Variants in KCNK9 observed in about 807,000 individuals in gnomAD.
KCNK9 encodes potassium channel subfamily K member 9.
Under a neutral mutation model 10.8 loss-of-function variants are expected in KCNK9, and 1 was observed. That is an observed-to-expected ratio of 0.09 (90% confidence interval 0.03 to 0.44). KCNK9 has a LOEUF of 0.44. Among genes scored for constraint, KCNK9 ranks in the 20% least tolerant of loss-of-function variants. The pLI is 0.97. For synonymous variants in KCNK9, 231 were observed against 222.7 expected (o/e 1.04, Z -0.33); for missense variants, 303 against 515.0 (o/e 0.59, Z 3.98).
chr8:139,661,614 C>T (rs962623668), intron 1 of KCNK9, among the ~76,000 whole-genome samples: 2 of 152,198 alleles, frequency 1.3e-5, no homozygotes, highest in South Asian at 2.1e-4. Context: ...CATCATCCAG[C>T]CCCCAGCACC....
intron 1 of KCNK9, among the ~76,000 whole-genome samples, chr8:139,640,690 T>C (rs757448279): frequency 2.0e-5 from 3 of 152,222 alleles, no homozygotes; most frequent in Non-Finnish European, 4.4e-5. Flanking sequence ...TCCTGAAACC[T>C]TGGCAGCTCT....
chr8:139,626,077 T>C (rs1814962859), intron 1 of KCNK9, among the ~76,000 whole-genome samples: 2 of 152,138 alleles, frequency 1.3e-5, no homozygotes, highest in Admixed American at 6.5e-5. Context: ...CATATTTTAA[T>C]TAAAGACACT....
chr8:139,635,758 A>T (rs530221971), intron 1 of KCNK9, among the ~76,000 whole-genome samples: 2 of 151,166 alleles, frequency 1.3e-5, no homozygotes, highest in South Asian at 2.1e-4. Flanking sequence ...ATCACCCACA[A>T]CCCCCCCACT....
At chr8:139,686,595 G>A (rs1365392565) in intron 1 of KCNK9, among the ~76,000 whole-genome samples, 1 of 152,176 alleles carries the variant, frequency 6.6e-6, no homozygotes, top group Non-Finnish European at 1.5e-5. Flanking sequence ...TATTGTTGTT[G>A]TTATCATCCT....
chr8:139,681,008 C>T (rs1816676803), intron 1 of KCNK9, among the ~76,000 whole-genome samples: 1 of 152,300 alleles, frequency 6.6e-6, no homozygotes, highest in East Asian at 1.9e-4. Context: ...ATGTGGCTTT[C>T]GTGTCTGCTC....
intron 1 of KCNK9, among the ~76,000 whole-genome samples, chr8:139,644,252 C>G (rs1054221847): frequency 6.6e-6 from 1 of 152,186 alleles, no homozygotes; most frequent in Non-Finnish European, 1.5e-5. Flanking sequence ...TGACCCAGAG[C>G]AAGAAATGTC....
At chr8:139,681,206 C>T (rs1816681001) in intron 1 of KCNK9, among the ~76,000 whole-genome samples, 1 of 152,198 alleles carries the variant, frequency 6.6e-6, no homozygotes. Flanking sequence ...ACCCATTTTA[C>T]ATATGGAAAC....
At chr8:139,640,297 G>C (rs909582417) in intron 1 of KCNK9, among the ~76,000 whole-genome samples, 4 of 152,174 alleles carry the variant, frequency 2.6e-5, no homozygotes, top group African/African-American at 9.7e-5. Flanking sequence ...TCTGCCACCA[G>C]ACTTACCTGC....
At chr8:139,609,238 G>GACCCC (rs1814337521), downstream of KCNK9, among the ~76,000 whole-genome samples, 1 of 93,630 alleles carries the variant, frequency 1.1e-5, no homozygotes, top group African/African-American at 4.2e-5. Context: ...GGGGTGCTCT[G>GACCCC]CCCCCCCACC....
rs1272754695 is a variant in KCNK9 at position 139,618,957 on chromosome 8, G to A, written c.426C>T (p.Arg142=). The change falls in exon 2 of 2, where the codon CGC becomes CGT. Residue 142 remains arginine, a synonymous_variant. Coordinates refer to ENST00000520439, the MANE Select transcript of KCNK9 (RefSeq NM_001282534.2). The surrounding 1 kb of genome is among the most constrained non-coding windows in gnomAD (Gnocchi z 7.9). ...TGCGCATGCCACAGCACTTCTTAAT[G>A]CGCTTCAGCAGGTAGCGCACGAAGG... ...MNTFVRYLLK[R]IKKCCGMRNT... is the part of the protein sequence containing the mutation. The A allele has an allele frequency of 6.2e-7, 1 of 1,614,100 alleles. No individual in the cohort carries two copies. Among genetic ancestry groups the A allele is most frequent in the African/African-American group, 1.3e-5 (1 of 74,940 alleles).
At chr8:139,698,105 C>T (rs1342332468) in intron 1 of KCNK9, among the ~76,000 whole-genome samples, 2 of 152,172 alleles carry the variant, frequency 1.3e-5, no homozygotes, top group African/African-American at 4.8e-5. Flanking sequence ...AGCCCTGGTC[C>T]CAGGGAAAAC....
intron 1 of KCNK9, among the ~76,000 whole-genome samples, chr8:139,645,776 G>A (rs73360014): frequency 1.8e-3 from 279 of 152,256 alleles, no homozygotes; most frequent in African/African-American, 6.5e-3. Flanking sequence ...GGCCCCAAGC[G>A]GTGCACAGGA....
intron 2 of KCNK9, among the ~76,000 whole-genome samples, chr8:139,603,393 G>C (rs1042677130): frequency 4.6e-5 from 7 of 152,282 alleles, no homozygotes; most frequent in South Asian, 2.1e-4. Context: ...GGAGCAAAAG[G>C]AAGTTGTGGA....
chr8:139,643,553 G>T (rs1278662754), intron 1 of KCNK9, among the ~76,000 whole-genome samples: 5 of 152,194 alleles, frequency 3.3e-5, no homozygotes, highest in Non-Finnish European at 4.4e-5. Flanking sequence ...CAAGGGGCGG[G>T]CCTAGGGCTT....
At chr8:139,672,528 T>A (rs1248474438) in intron 1 of KCNK9, among the ~76,000 whole-genome samples, 1 of 152,180 alleles carries the variant, frequency 6.6e-6, no homozygotes, top group African/African-American at 2.4e-5. Context: ...ATATTAAAAA[T>A]CACACTACAA....
rs1817233561 is a variant in KCNK9 at position 139,702,129 on chromosome 8, C to A, written c.283+581G>T. The stretch of plus-strand genomic sequence containing the variant: ...GGCCTGGGAAGTCCAAGCTCCAGAA[C>A]TGGAACTCAGGGGAAAAAAGGAGCC... On this transcript the variant is annotated intron_variant, in intron 1 of 1. Transcript: ENST00000520439. This position sits in a 1 kb window ranked among gnomAD's most constrained non-coding sequence, Gnocchi z 7.5. Among the ~76,000 whole-genome samples, 1 of 152,140 alleles carries A rather than the reference C, an allele frequency of 6.6e-6. No individual in the cohort carries two copies. The highest frequency in any genetic ancestry group is 1.5e-5 in the Non-Finnish European group (1 of 68,018).
intron 1 of KCNK9, among the ~76,000 whole-genome samples, chr8:139,685,313 A>G (rs914522078): frequency 6.6e-6 from 1 of 152,142 alleles, no homozygotes; most frequent in Non-Finnish European, 1.5e-5. Context: ...TTTAAGTTCT[A>G]GGGTACATGT....
intron 1 of KCNK9, among the ~76,000 whole-genome samples, chr8:139,683,851 G>A (rs976067906): frequency 2.6e-5 from 4 of 152,236 alleles, no homozygotes; most frequent in African/African-American, 4.8e-5. Context: ...CCAATGATGG[G>A]TCTAAGTGTG....
At chr8:139,619,209 T>C in intron 1 of KCNK9, 110 bp from the exon 2 acceptor site, 2 of 1,235,426 alleles carry the variant, frequency 1.6e-6, no homozygotes, top group Non-Finnish European at 2.3e-6. Flanking sequence ...AGGGACCTGG[T>C]ACTGGGGGAA....
Sources: allele counts gnomAD v4.1 joint callset (sites outside exome capture counted in the v4.1 genomes callset), GRCh38; gene constraint gnomAD v4.1.1; non-coding constraint Gnocchi (gnomAD v3.1); transcripts MANE v1.5; gene names NCBI Gene and HGNC (gene_info 2026-07-23, HGNC 2026-07-21).